The following PIK3R1 variants were observed in gnomAD, a reference collection of about 807,000 sequenced individuals.
PIK3R1 encodes the protein phosphoinositide-3-kinase regulatory subunit 1.
In PIK3R1, 29 loss-of-function variants were observed where a neutral mutation model predicts 98.0. The observed-to-expected ratio is 0.30, with a 90% CI of 0.22 to 0.40. PIK3R1 has a LOEUF of 0.40. PIK3R1 is among the 10% of genes least tolerant of loss of function. PIK3R1 has a pLI of 1.00. For synonymous variants in PIK3R1, 282 were observed against 311.8 expected (o/e 0.90, Z 1.01); for missense variants, 596 against 872.7 (o/e 0.68, Z 3.99).
chr5:68,258,619 C>T (rs1360368036), intron 2 of PIK3R1, among the ~76,000 whole-genome samples: 2 of 152,190 alleles, frequency 1.3e-5, no homozygotes, highest in Non-Finnish European at 2.9e-5. Flanking sequence ...CCAGTCTTTC[C>T]CTGATCATTG....
At chr5:68,284,524 C>T (rs1044525592) in intron 7 of PIK3R1, among the ~76,000 whole-genome samples, 4 of 152,230 alleles carry the variant, frequency 2.6e-5, no homozygotes, top group East Asian at 1.9e-4. Flanking sequence ...AATATGCAAC[C>T]ATACGTCGCT....
chr5:68,233,243 C>T (rs1744548271), intron 2 of PIK3R1, among the ~76,000 whole-genome samples: 1 of 152,216 alleles, frequency 6.6e-6, no homozygotes, highest in Non-Finnish European at 1.5e-5. Context: ...GTTAGCAGTA[C>T]AGCTGGCTCT....
chr5:68,234,616 T>C (rs1744598792), intron 2 of PIK3R1, among the ~76,000 whole-genome samples: 1 of 152,182 alleles, frequency 6.6e-6, no homozygotes, highest in Non-Finnish European at 1.5e-5. Context: ...TCTAAACTGG[T>C]TTGAGACTTA....
intron 1 of PIK3R1, among the ~76,000 whole-genome samples, chr5:68,219,175 G>A (rs1744005427): frequency 1.3e-5 from 2 of 152,202 alleles, no homozygotes; most frequent in African/African-American, 4.8e-5. Flanking sequence ...TGAAAGGCTA[G>A]AGTGATTGTA....
chr5:68,229,816 A>AG (rs1491440089), intron 2 of PIK3R1, among the ~76,000 whole-genome samples: 1 of 152,238 alleles, frequency 6.6e-6, no homozygotes, highest in Non-Finnish European at 1.5e-5. Flanking sequence ...TTTGAGAGAA[A>AG]GAGTCAAAAA....
chr5:68,227,394 A>C (rs1038704387), intron 2 of PIK3R1, among the ~76,000 whole-genome samples: 3 of 152,212 alleles, frequency 2.0e-5, no homozygotes, highest in African/African-American at 7.2e-5. Flanking sequence ...TGACACCCAA[A>C]GGAAATTCTC....
intron 8 of PIK3R1, chr5:68,292,639 CT>C: frequency 9.4e-6 from 13 of 1,388,466 alleles, no homozygotes; most frequent in Non-Finnish European, 1.2e-5. Context: ...TGAAGGCACT[CT>C]ATCTATTAAG....
intron 7 of PIK3R1, chr5:68,290,629 C>A (rs1747334147): frequency 7.0e-7 from 1 of 1,435,010 alleles, no homozygotes; most frequent in East Asian, 2.5e-5. Context: ...GGTTTCAGTG[C>A]AGCCCCTTAT....
chr5:68,296,017 C>T (rs1189242784), intron 14 of PIK3R1, 154 bp from the exon 15 acceptor site: 1 of 646,292 alleles, frequency 1.5e-6, no homozygotes, highest in Non-Finnish European at 2.6e-6. Flanking sequence ...GAGAGGAAAA[C>T]TCAGGTCGGG....
At chr5:68,294,388 T>C (rs886184473) in intron 11 of PIK3R1, 148 bp from the exon 12 acceptor site, 1 of 505,134 alleles carries the variant, frequency 2.0e-6, no homozygotes, top group African/African-American at 2.0e-5. Context: ...CCAGAGGAAA[T>C]ACTTGTTTCT....
At chr5:68,292,696 C>A in intron 8 of PIK3R1, 2 of 1,272,256 alleles carry the variant, frequency 1.6e-6, no homozygotes, top group Non-Finnish European at 2.0e-6. Flanking sequence ...GAAAACAATG[C>A]CATTTTATGT....
chr5:68,241,389 T>G (rs2591419), intron 2 of PIK3R1, among the ~76,000 whole-genome samples: 4 of 10,210 alleles, frequency 3.9e-4, no homozygotes, highest in Admixed American at 6.5e-4. Context: ...ATTTTTTTTG[T>G]TTTTTTTTTT....
chr5:68,225,864 C>G (rs1297847575), intron 1 of PIK3R1, among the ~76,000 whole-genome samples: 2 of 152,228 alleles, frequency 1.3e-5, no homozygotes, highest in Admixed American at 1.3e-4. Flanking sequence ...TAGCTCTTCT[C>G]AGAATATGAC....
At chr5:68,260,824 G>T (rs1222614340) in intron 2 of PIK3R1, among the ~76,000 whole-genome samples, 1 of 152,154 alleles carries the variant, frequency 6.6e-6, no homozygotes, top group African/African-American at 2.4e-5. Context: ...TATAGCTGTT[G>T]TAACTTTGGA....
At chr5:68,266,622 C>A (rs766325620) in intron 2 of PIK3R1, among the ~76,000 whole-genome samples, 3 of 152,158 alleles carry the variant, frequency 2.0e-5, no homozygotes, top group Non-Finnish European at 2.9e-5. Context: ...ATTGCAGATA[C>A]CTTTTAAAGA....
chr5:68,278,214 A>G (rs1746661502), intron 4 of PIK3R1, among the ~76,000 whole-genome samples: 1 of 152,066 alleles, frequency 6.6e-6, no homozygotes, highest in African/African-American at 2.4e-5. Flanking sequence ...CCTGTTTCCC[A>G]GCTGAGGGAT....
chr5:68,249,782 T>A (rs2112062353), intron 2 of PIK3R1, among the ~76,000 whole-genome samples: 1 of 152,208 alleles, frequency 6.6e-6, no homozygotes, highest in South Asian at 2.1e-4. Flanking sequence ...TGGGGGGCGT[T>A]AACATAGATA....
At chr5:68,216,192 C>T (rs892349467) in intron 1 of PIK3R1, among the ~76,000 whole-genome samples, 5 of 152,146 alleles carry the variant, frequency 3.3e-5, no homozygotes, top group Non-Finnish European at 5.9e-5. Flanking sequence ...ACTCCCGTTT[C>T]CCCCGTCCTC....
chr5:68,283,718 C>T (rs1426989274), intron 7 of PIK3R1, among the ~76,000 whole-genome samples: 1 of 152,198 alleles, frequency 6.6e-6, no homozygotes, highest in Non-Finnish European at 1.5e-5. Flanking sequence ...GAAACCGAGG[C>T]CCACAGATAG....
Sources: allele counts gnomAD v4.1 joint callset (sites outside exome capture counted in the v4.1 genomes callset), GRCh38; gene constraint gnomAD v4.1.1; transcripts MANE v1.5; gene names NCBI Gene and HGNC (gene_info 2026-07-23, HGNC 2026-07-21).